PLA2G4C: variants seen among roughly 807,000 people sequenced by gnomAD.
PLA2G4C encodes phospholipase A2 group IVC, also known as cytosolic phospholipase A2 gamma.
A neutral mutation model predicts 73.8 loss-of-function variants in PLA2G4C; 64 were observed. That is an observed-to-expected ratio of 0.87 (90% CI 0.71 to 1.07). PLA2G4C has a LOEUF of 1.07. PLA2G4C is among the 50% of genes least tolerant of loss of function. PLA2G4C has a pLI of 0.00. For synonymous variants in PLA2G4C, 254 were observed against 252.1 expected, an observed-to-expected ratio of 1.01 and a Z score of -0.07; for missense variants, 622 against 665.4, an observed-to-expected ratio of 0.93 and a Z score of 0.72.
chr19:48,104,185 G>A (rs1015643378), intron 4 of PLA2G4C: 17 of 162,748 alleles, frequency 1.0e-4, no homozygotes, highest in African/African-American at 3.1e-4. Context: ...GATTACAGGC[G>A]TGAGCCACCA....
chr19:48,048,661 C>T lies in PLA2G4C; in HGVS notation c.1581-273G>A, dbSNP rs10404793. ...GCTGGGCTAGGAGGTAACTCTTTGGCCTACATCGAATGTCATGATACCTGC... is the reference window on the plus strand; with the variant it reads ...GCTGGGCTAGGAGGTAACTCTTTGGTCTACATCGAATGTCATGATACCTGC... On this transcript the variant is annotated intron_variant, in intron 16 of 16. Transcript: ENST00000599921. 1.1e-3 allele frequency among the ~76,000 whole-genome samples: 172 copies of T among 152,316 alleles called. 2 individuals are homozygous for T. The highest frequency in any genetic ancestry group is 3.9e-3 in the African/African-American group (162 of 41,566).
At chr19:48,086,564 A>C (rs382588) in intron 9 of PLA2G4C, among the ~76,000 whole-genome samples, 1 of 152,016 alleles carries the variant, frequency 6.6e-6, no homozygotes, top group African/African-American at 2.4e-5. Context: ...AAGGACGGAA[A>C]CTTTTGGGAA....
At chr19:48,081,139 T>C (rs2122578887) in intron 10 of PLA2G4C, among the ~76,000 whole-genome samples, 1 of 148,754 alleles carries the variant, frequency 6.7e-6, no homozygotes, top group South Asian at 2.1e-4. Context: ...CACTCCAGCT[T>C]GGGTGACAGA....
Position 48,098,220 on chromosome 19 carries a change from C to T in PLA2G4C, c.487G>A (p.Glu163Lys), listed in dbSNP as rs2031703984. The part of the protein sequence containing the change: ...SHLSNMKKPV[E>K]EGTLPYPIFA... Reference sequence around the variant, plus strand: ...ATTGGGTAGGGTAGTGTCCCTTCTTCCACGGGCTTCTTCATATTGGACAAA... The same window carrying T: ...ATTGGGTAGGGTAGTGTCCCTTCTTTCACGGGCTTCTTCATATTGGACAAA... The change falls in exon 6 of 17, where the codon GAA (glutamate) becomes AAA (lysine). Residue 163 changes from glutamate (E) to lysine (K), a missense_variant. By Grantham distance (56) the Glu-to-Lys change is moderately conservative. Transcript: ENST00000599921. 6.2e-7 allele frequency: 1 copy of T among 1,613,712 alleles called. No homozygotes were observed. Among genetic ancestry groups the T allele is most frequent in the South Asian group, 1.1e-5 (1 of 90,968 alleles).
chr19:48,052,892 T>C (rs754911196), intron 16 of PLA2G4C, 105 bp downstream of exon 16: 11 of 1,249,520 alleles, frequency 8.8e-6, no homozygotes, highest in Non-Finnish European at 1.2e-5. Flanking sequence ...ACACTGCCTA[T>C]CTTTTTTCAC....
chr19:48,066,368 A>G (rs1968421444), intron 13 of PLA2G4C, among the ~76,000 whole-genome samples: 1 of 152,102 alleles, frequency 6.6e-6, no homozygotes, highest in African/African-American at 2.4e-5. Context: ...TTGATGCTAA[A>G]ACACTCATCG....
At chr19:48,061,885 C>G in intron 14 of PLA2G4C, 113 bp downstream of exon 14, 1 of 1,075,500 alleles carries the variant, frequency 9.3e-7, no homozygotes, top group Non-Finnish European at 1.4e-6. Flanking sequence ...ACTTCCCAGC[C>G]AGCACCTCCC....
At chr19:48,090,000 C>T (rs370932429) in intron 8 of PLA2G4C, among the ~76,000 whole-genome samples, 25 of 152,156 alleles carry the variant, frequency 1.6e-4, no homozygotes, top group Non-Finnish European at 5.9e-5. Context: ...TTACTGAGTG[C>T]CGTTATCTAC....
chr19:48,086,674 C>T (rs1482418575), intron 9 of PLA2G4C, among the ~76,000 whole-genome samples: 1 of 152,144 alleles, frequency 6.6e-6, no homozygotes, highest in Non-Finnish European at 1.5e-5. Context: ...TGGTGCTCCA[C>T]CTGCTGGGTG....
At chr19:48,100,653 T>G (rs533075311) in intron 4 of PLA2G4C, among the ~76,000 whole-genome samples, 1 of 144,622 alleles carries the variant, frequency 6.9e-6, no homozygotes, top group Admixed American at 7.1e-5. Flanking sequence ...CTTACGCCTG[T>G]GATCCTAGCA....
intron 4 of PLA2G4C, among the ~76,000 whole-genome samples, chr19:48,101,217 C>T (rs1407309686): frequency 6.7e-6 from 1 of 149,924 alleles, no homozygotes; most frequent in Non-Finnish European, 1.5e-5. Flanking sequence ...CTCAAACCCC[C>T]AGGCTCAAAT....
chr19:48,053,870 G>A lies in PLA2G4C; in HGVS notation c.1430-723C>T, dbSNP rs117824814. ...GTGGGAAGTGGCACAATCAGGCCCC[G>A]GAGGACCACCCATCCTGGATGCTAG... is the stretch of plus-strand genomic sequence containing the variant. On this transcript the variant is annotated intron_variant, in intron 15 of 16. Coordinates refer to ENST00000599921, the MANE Select transcript of PLA2G4C (RefSeq NM_003706.3). Among the ~76,000 whole-genome samples the A allele has an allele frequency of 3.4e-3, 515 of 152,260 alleles. 9 individuals are homozygous for A. In the East Asian group the frequency reaches 0.036, roughly 11 times the overall value.
At chr19:48,050,850 A>G (rs1489546775) in intron 16 of PLA2G4C, among the ~76,000 whole-genome samples, 1 of 150,522 alleles carries the variant, frequency 6.6e-6, no homozygotes, top group Non-Finnish European at 1.5e-5. Flanking sequence ...ATTTTTTTGT[A>G]CTTTTAGTAG....
chr19:48,083,649 G>A (rs552784729), intron 10 of PLA2G4C, among the ~76,000 whole-genome samples: 104 of 151,752 alleles, frequency 6.9e-4, no homozygotes, highest in African/African-American at 2.4e-3. Context: ...GTTTCTCCAC[G>A]TTGGTCAGGC....
chr19:48,109,146 G>A (rs958944374), intron 1 of PLA2G4C, among the ~76,000 whole-genome samples: 5 of 152,114 alleles, frequency 3.3e-5, no homozygotes, highest in African/African-American at 9.7e-5. Context: ...TTACATTTCT[G>A]CGAAGGCAGT....
At chr19:48,109,719 G>T (rs12459911) in intron 1 of PLA2G4C, among the ~76,000 whole-genome samples, 1 of 151,920 alleles carries the variant, frequency 6.6e-6, no homozygotes, top group Non-Finnish European at 1.5e-5. Context: ...GCGCAGTCTC[G>T]GCTCACTGCA....
chr19:48,074,021 G>T (rs1210215290), intron 12 of PLA2G4C, among the ~76,000 whole-genome samples: 2 of 152,024 alleles, frequency 1.3e-5, no homozygotes, highest in African/African-American at 4.8e-5. Context: ...TGCAGGACGT[G>T]TAGATTTGTT....
Position 48,050,673 on chromosome 19 carries a change from C to CTTTTTTTTTT in PLA2G4C, c.1581-2295_1581-2286dup, listed in dbSNP as rs5828330. On this transcript the variant is annotated intron_variant, in intron 16 of 16. Coordinates refer to ENST00000599921, the MANE Select transcript of PLA2G4C (RefSeq NM_003706.3). The stretch of plus-strand genomic sequence containing the variant: ...ATCCCTAGAGCCTGTGAGTATGTGA[C>CTTTTTTTTTT]TTTTTTTTTTTTTTTTTTTGAGACA... Among the ~76,000 whole-genome samples the CTTTTTTTTTT allele has an allele frequency of 4.7e-4, 37 of 78,746 alleles. 9 individuals are homozygous for CTTTTTTTTTT. Among genetic ancestry groups the CTTTTTTTTTT allele is most frequent in the Admixed American group, 8.3e-4 (4 of 4,816 alleles). The allele number at this position is 78,746 out of a possible 152,430, so 51.7% of individuals were successfully genotyped here. A position where few individuals can be genotyped will look rare whatever the true frequency, so the allele number is the denominator to read the frequency against.
chr19:48,097,251 C>CTTTTTTT (rs1176855747), intron 6 of PLA2G4C: 69 of 86,550 alleles, frequency 8.0e-4, no homozygotes, highest in Non-Finnish European at 1.2e-3. Context: ...TTTCTTTTTT[C>CTTTTTTT]TTTTTTTTTT....
Sources: allele counts gnomAD v4.1 joint callset (sites outside exome capture counted in the v4.1 genomes callset), GRCh38; gene constraint gnomAD v4.1.1; transcripts MANE v1.5; gene names NCBI Gene and HGNC (gene_info 2026-07-23, HGNC 2026-07-21).